Variants in SAMD5 observed in about 807,000 individuals in gnomAD.
The protein encoded by SAMD5 is sterile alpha motif domain containing 5, also known as sterile alpha motif domain-containing protein 5.
In SAMD5, 13 loss-of-function variants were observed where a neutral mutation model predicts 11.3. That is an observed-to-expected ratio of 1.15 (90% CI 0.75 to 1.83). The LOEUF (loss-of-function observed/expected upper bound fraction) is 1.83, where lower values mean the gene tolerates loss of function less well. Ranked by LOEUF, SAMD5 falls within the 40% of genes most tolerant of loss-of-function variation. The pLI is 0.00. For missense variants in SAMD5, 255 were observed against 239.1 expected, an observed-to-expected ratio of 1.07 and a Z score of -0.44; for synonymous variants, 129 against 111.3, an observed-to-expected ratio of 1.16 and a Z score of -1.00.
chr6:147,527,377 C>A (rs992891914), intron 1 of SAMD5, among the ~76,000 whole-genome samples: 1 of 151,990 alleles, frequency 6.6e-6, no homozygotes, highest in African/African-American at 2.4e-5. Context: ...AGAGCAAGGG[C>A]GGAGGTGCCA....
intron 1 of SAMD5, among the ~76,000 whole-genome samples, chr6:147,529,833 G>C (rs1160443323): frequency 1.3e-5 from 2 of 152,148 alleles, no homozygotes; most frequent in Non-Finnish European, 1.5e-5. Flanking sequence ...CTATAAGACT[G>C]TTTTTGAATA....
the SAMD5 span, among the ~76,000 whole-genome samples, chr6:147,816,366 T>TTATATATA: frequency 8.6e-5 from 12 of 139,060 alleles, no homozygotes; most frequent in African/African-American, 3.2e-4. Flanking sequence ...TATATGCAGT[T>TTATATATA]TATATATATA....
At chr6:147,588,984 G>C (rs1171732602) in intron 1 of SAMD5, among the ~76,000 whole-genome samples, 1 of 151,450 alleles carries the variant, frequency 6.6e-6, no homozygotes, top group Admixed American at 6.6e-5. Flanking sequence ...ATGAGATGAG[G>C]TCTCGCTCTG....
At chr6:147,899,928 G>C in the SAMD5 span, among the ~76,000 whole-genome samples, 1 of 152,190 alleles carries the variant, frequency 6.6e-6, no homozygotes, top group African/African-American at 2.4e-5. Flanking sequence ...GGGAGAGACT[G>C]TCCAGCTCCA....
intron 1 of SAMD5, among the ~76,000 whole-genome samples, chr6:147,624,635 T>C (rs796292065): frequency 5.6e-4 from 85 of 152,310 alleles, no homozygotes; most frequent in African/African-American, 2.0e-3. Context: ...ACTCGTTGAT[T>C]GATGGGCATT....
intron 1 of SAMD5, among the ~76,000 whole-genome samples, chr6:147,696,437 A>G (rs1057332006): frequency 1.3e-5 from 2 of 152,206 alleles, no homozygotes. Flanking sequence ...CTAAGGTCTC[A>G]GGCAGTCATC....
chr6:147,651,643 T>A (rs1246379100), intron 1 of SAMD5, among the ~76,000 whole-genome samples: 3 of 152,230 alleles, frequency 2.0e-5, no homozygotes, highest in African/African-American at 7.2e-5. Flanking sequence ...GCTGGCACCC[T>A]GATCTCTGAT....
At chr6:147,595,213 C>T (rs1054030374) in intron 1 of SAMD5, among the ~76,000 whole-genome samples, 1 of 152,168 alleles carries the variant, frequency 6.6e-6, no homozygotes, top group African/African-American at 2.4e-5. Context: ...GGAATGTTTG[C>T]ACAAATTATG....
At chr6:147,839,823 A>G in the SAMD5 span, among the ~76,000 whole-genome samples, 3 of 152,242 alleles carry the variant, frequency 2.0e-5, no homozygotes, top group African/African-American at 7.2e-5. Context: ...AAGTGACAGT[A>G]TAAGTGCCTA....
chr6:147,546,430 T>C (rs1000140152), intron 1 of SAMD5, among the ~76,000 whole-genome samples: 1 of 150,260 alleles, frequency 6.7e-6, no homozygotes, highest in African/African-American at 2.5e-5. Context: ...CTTGGGAGGC[T>C]GAGGCAGGAG....
the SAMD5 span, among the ~76,000 whole-genome samples, chr6:147,905,907 C>T: frequency 2.0e-5 from 3 of 152,122 alleles, no homozygotes; most frequent in Non-Finnish European, 4.4e-5. Flanking sequence ...TTGCAAAGCT[C>T]CAGGCTCTGA....
chr6:147,768,635 T>C, the SAMD5 span, among the ~76,000 whole-genome samples: 2 of 152,230 alleles, frequency 1.3e-5, no homozygotes, highest in East Asian at 3.9e-4. Context: ...TTAATACTTA[T>C]ACCTATTTTA....
At chr6:147,753,528 G>A in the SAMD5 span, among the ~76,000 whole-genome samples, 4 of 152,138 alleles carry the variant, frequency 2.6e-5, no homozygotes, top group East Asian at 3.9e-4. Flanking sequence ...ATAGGTATCC[G>A]TCCCCTCAAG....
chr6:147,638,254 C>T (rs73587492), intron 1 of SAMD5, among the ~76,000 whole-genome samples: 2 of 152,072 alleles, frequency 1.3e-5, no homozygotes, highest in Non-Finnish European at 2.9e-5. Context: ...TGATGGCACA[C>T]GTAACTTACT....
At chr6:147,743,857 G>A in the SAMD5 span, among the ~76,000 whole-genome samples, 1 of 152,110 alleles carries the variant, frequency 6.6e-6, no homozygotes, top group African/African-American at 2.4e-5. Context: ...CCAAAGATTT[G>A]GGACTTAATA....
At chr6:147,891,270 A>G in the SAMD5 span, among the ~76,000 whole-genome samples, 2,628 of 152,332 alleles carry the variant, frequency 0.017, 32 homozygotes, top group Admixed American at 0.032. Flanking sequence ...AGAATAGTCT[A>G]TGTATTATTT....
chr6:147,843,112 C>T, the SAMD5 span, among the ~76,000 whole-genome samples: 1 of 152,202 alleles, frequency 6.6e-6, no homozygotes, highest in Non-Finnish European at 1.5e-5. Context: ...AATCTACCCA[C>T]CTCGGCCTCC....
At chr6:147,788,354 A>T in the SAMD5 span, among the ~76,000 whole-genome samples, 5,082 of 152,320 alleles carry the variant, frequency 0.033, 105 homozygotes, top group Middle Eastern at 0.051. Flanking sequence ...TTGGCATATT[A>T]CTTTCTTGAA....
chr6:147,562,255 T>C (rs1442026236), intron 1 of SAMD5, among the ~76,000 whole-genome samples: 2 of 152,208 alleles, frequency 1.3e-5, no homozygotes, highest in Non-Finnish European at 2.9e-5. Context: ...GGCAGCATCA[T>C]GTCTCTGACT....
Sources: gnomAD v4.1 joint callset for allele counts (sites outside exome capture counted in the v4.1 genomes callset) on GRCh38, gnomAD v4.1.1 for gene constraint, MANE v1.5 for transcripts, NCBI Gene and HGNC (gene_info 2026-07-23, HGNC 2026-07-21) for gene names.